MACROD2: variants seen among roughly 807,000 people sequenced by gnomAD.
MACROD2 encodes ADP-ribose glycohydrolase MACROD2.
In MACROD2, 36 loss-of-function variants were observed where a neutral mutation model predicts 70.4. The observed-to-expected ratio is 0.51, with a 90% CI of 0.39 to 0.68. The LOEUF is 0.68. Ranked by LOEUF, MACROD2 falls within the 30% of genes least tolerant of loss-of-function variation. MACROD2 has a pLI of 0.00. For missense variants in MACROD2, 496 were observed against 538.4 expected, an observed-to-expected ratio of 0.92 and a Z score of 0.78; for synonymous variants, 172 against 178.8, an observed-to-expected ratio of 0.96 and a Z score of 0.30.
intron 3 of MACROD2, among the ~76,000 whole-genome samples, chr20:14,160,738 T>A (rs6074697): frequency 0.95 from 144,663 of 152,024 alleles, 68,846 homozygotes; most frequent in East Asian, 0.99. Flanking sequence ...TGATTTTTAT[T>A]ATTTTTTCTT....
intron 8 of MACROD2, among the ~76,000 whole-genome samples, chr20:15,584,230 T>G (rs1413611631): frequency 6.6e-6 from 1 of 152,136 alleles, no homozygotes; most frequent in Non-Finnish European, 1.5e-5. Flanking sequence ...GGGGGCCAGG[T>G]TTACATGTAT....
intron 15 of MACROD2, among the ~76,000 whole-genome samples, chr20:16,016,068 T>TGG (rs1244876811): frequency 6.6e-6 from 1 of 152,148 alleles, no homozygotes; most frequent in African/African-American, 2.4e-5. Flanking sequence ...TAGTCCTGAT[T>TGG]ATCCAATCAG....
At chr20:14,660,306 T>A (rs1023460357) in intron 4 of MACROD2, among the ~76,000 whole-genome samples, 1 of 152,336 alleles carries the variant, frequency 6.6e-6, no homozygotes, top group Non-Finnish European at 1.5e-5. Context: ...GCTTTCAAGA[T>A]GTTGGCTTAT....
At chr20:14,708,185 A>G (rs1433940046) in intron 5 of MACROD2, among the ~76,000 whole-genome samples, 1 of 152,240 alleles carries the variant, frequency 6.6e-6, no homozygotes, top group Non-Finnish European at 1.5e-5. Flanking sequence ...ATAGCATTTC[A>G]GTCTCTTTTC....
At chr20:14,169,755 T>G (rs1237029498) in intron 3 of MACROD2, among the ~76,000 whole-genome samples, 2 of 152,214 alleles carry the variant, frequency 1.3e-5, no homozygotes, top group Admixed American at 1.3e-4. Flanking sequence ...ATCCATAAGC[T>G]ATAGTCATTG....
At chr20:15,454,038 A>G (rs1039535733) in intron 7 of MACROD2, among the ~76,000 whole-genome samples, 6 of 152,050 alleles carry the variant, frequency 3.9e-5, no homozygotes, top group African/African-American at 1.2e-4. Flanking sequence ...GAAAATGAAT[A>G]TTGGGTTTAT....
At chr20:15,513,022 C>A (rs2047519843) in intron 8 of MACROD2, among the ~76,000 whole-genome samples, 2 of 152,194 alleles carry the variant, frequency 1.3e-5, no homozygotes, top group Admixed American at 1.3e-4. Context: ...TCAGTGACAT[C>A]TACAAAGTTC....
At chr20:14,468,065 G>A (rs1336548985) in intron 3 of MACROD2, among the ~76,000 whole-genome samples, 1 of 152,092 alleles carries the variant, frequency 6.6e-6, no homozygotes, top group Non-Finnish European at 1.5e-5. Flanking sequence ...GTGATGTGGT[G>A]CTGAGAAGAA....
At chr20:15,590,370 A>C (rs546506670) in intron 8 of MACROD2, among the ~76,000 whole-genome samples, 166 of 152,340 alleles carry the variant, frequency 1.1e-3, no homozygotes, top group Non-Finnish European at 1.8e-3. Flanking sequence ...ACAGTTGCAC[A>C]GCAGTGAATG....
intron 4 of MACROD2, among the ~76,000 whole-genome samples, chr20:14,677,211 A>AGGTGT (rs1001382220): frequency 6.6e-6 from 1 of 152,110 alleles, no homozygotes; most frequent in Non-Finnish European, 1.5e-5. Context: ...AAAAAAATTG[A>AGGTGT]GGTGTTTTCA....
chr20:14,645,142 TC>T, intron 4 of MACROD2, among the ~76,000 whole-genome samples: 2 of 152,284 alleles, frequency 1.3e-5, no homozygotes, highest in South Asian at 4.1e-4. Context: ...CATTATTTTT[TC>T]TTCACTTAAA....
intron 4 of MACROD2, among the ~76,000 whole-genome samples, chr20:14,557,039 G>T (rs1979079795): frequency 6.6e-6 from 1 of 151,890 alleles, no homozygotes; most frequent in South Asian, 2.1e-4. Context: ...TAGATTGATG[G>T]AATAGAATTA....
intron 8 of MACROD2, among the ~76,000 whole-genome samples, chr20:15,544,084 G>A (rs1600565746): frequency 6.6e-6 from 1 of 152,176 alleles, no homozygotes; most frequent in African/African-American, 2.4e-5. Flanking sequence ...TGGATACAGA[G>A]TCGGGGAAGA....
chr20:14,521,609 A>C (rs998757394), intron 4 of MACROD2, among the ~76,000 whole-genome samples: 1 of 152,182 alleles, frequency 6.6e-6, no homozygotes, highest in Non-Finnish European at 1.5e-5. Flanking sequence ...TGTTGGATGA[A>C]TAGTGTGTAT....
intron 5 of MACROD2, among the ~76,000 whole-genome samples, chr20:14,870,485 A>G (rs2122420360): frequency 6.6e-6 from 1 of 152,126 alleles, no homozygotes; most frequent in South Asian, 2.1e-4. Flanking sequence ...AGTCAAAGGG[A>G]ATTTCTGTCT....
intron 5 of MACROD2, among the ~76,000 whole-genome samples, chr20:15,215,330 A>T (rs2076801223): frequency 7.3e-6 from 1 of 137,420 alleles, no homozygotes; most frequent in Admixed American, 7.5e-5. Context: ...CTTTTTTATC[A>T]TGTTGGGAAA....
chr20:14,608,798 G>A (rs565094346), intron 4 of MACROD2, among the ~76,000 whole-genome samples: 30 of 152,264 alleles, frequency 2.0e-4, no homozygotes, highest in Non-Finnish European at 4.0e-4. Context: ...TAGAGGGACT[G>A]GAGGATAGGT....
chr20:15,382,407 C>T (rs1255174129), intron 6 of MACROD2, among the ~76,000 whole-genome samples: 1 of 152,176 alleles, frequency 6.6e-6, no homozygotes, highest in Non-Finnish European at 1.5e-5. Flanking sequence ...TTAAACTCTA[C>T]AAATCATGCT....
intron 3 of MACROD2, among the ~76,000 whole-genome samples, chr20:14,092,219 G>T (rs559951106): frequency 6.6e-6 from 1 of 151,838 alleles, no homozygotes; most frequent in African/African-American, 2.4e-5. Context: ...GTTTGAATCA[G>T]CATCATCATT....
Sources: gnomAD v4.1 joint callset for allele counts (sites outside exome capture counted in the v4.1 genomes callset) on GRCh38, gnomAD v4.1.1 for gene constraint, MANE v1.5 for transcripts, NCBI Gene and HGNC (gene_info 2026-07-23, HGNC 2026-07-21) for gene names.